Variants in COL4A1 observed in about 807,000 individuals in gnomAD.
COL4A1 encodes the protein collagen type IV alpha 1 chain.
Under a neutral mutation model 216.6 loss-of-function variants are expected in COL4A1, and 40 were observed. That is an observed-to-expected ratio of 0.18 (90% confidence interval 0.14 to 0.24). The LOEUF (loss-of-function observed/expected upper bound fraction) is 0.24, where lower values mean the gene tolerates loss of function less well. Ranked by LOEUF, COL4A1 falls within the 10% of genes least tolerant of loss-of-function variation. The pLI, the probability that COL4A1 is intolerant of heterozygous loss-of-function variation, is 1.00. For missense variants in COL4A1, 1,628 were observed against 2,196.8 expected, an observed-to-expected ratio of 0.74 and a Z score of 5.18; for synonymous variants, 839 against 810.7, an observed-to-expected ratio of 1.03 and a Z score of -0.59.
intron 2 of COL4A1, among the ~76,000 whole-genome samples, chr13:110,223,856 A>G (rs553398419): frequency 9.2e-5 from 14 of 152,132 alleles, no homozygotes; most frequent in Non-Finnish European, 2.1e-4. Context: ...GCCTCCGTGT[A>G]GACTTTAGAG....
chr13:110,174,047 C>A (rs1274069449), intron 39 of COL4A1, 49 bp from the exon 40 acceptor site: 1 of 1,596,986 alleles, frequency 6.3e-7, no homozygotes, highest in Non-Finnish European at 8.6e-7. Context: ...CTCACAGCAC[C>A]CTAGCTGCCA....
intron 1 of COL4A1, among the ~76,000 whole-genome samples, chr13:110,289,402 G>A (rs1053624273): frequency 2.5e-4 from 38 of 152,048 alleles, no homozygotes; most frequent in Non-Finnish European, 3.7e-4. Flanking sequence ...CAATCAACTC[G>A]TTCCTGTGAG....
chr13:110,242,609 C>T, intron 2 of COL4A1, 66 bp downstream of exon 2: 3 of 1,519,344 alleles, frequency 2.0e-6, no homozygotes, highest in Non-Finnish European at 2.7e-6. Flanking sequence ...TATTCGGTTA[C>T]TGTTAATGTA....
intron 49 of COL4A1, among the ~76,000 whole-genome samples, chr13:110,158,739 CTTTTTTTTTT>C (rs556230875): frequency 3.8e-5 from 4 of 105,848 alleles, no homozygotes; most frequent in Non-Finnish European, 7.6e-5. Context: ...AAGAAATAAA[CTTTTTTTTTT>C]TTTTTTTTTT....
At chr13:110,241,832 G>C (rs905333655) in intron 2 of COL4A1, among the ~76,000 whole-genome samples, 2 of 152,210 alleles carry the variant, frequency 1.3e-5, no homozygotes, top group Non-Finnish European at 2.9e-5. Flanking sequence ...GCATGCCGGG[G>C]AGGGAAGTAA....
At chr13:110,150,553 C>A (rs1876454628) in intron 51 of COL4A1, 109 bp from the exon 52 acceptor site, 2 of 1,104,428 alleles carry the variant, frequency 1.8e-6, no homozygotes, top group Non-Finnish European at 2.7e-6. Flanking sequence ...CAGCCCCTGG[C>A]ATCAGGCCTC....
rs749230953 is a variant in COL4A1 at position 110,210,065 on chromosome 13, G to T, written c.553-23C>A. ...GCCCTAGAATGCATGAGAAAGAAAT[G>T]AGTTCAGATGCGAACTGGGAGGGTG... is the stretch of plus-strand genomic sequence containing the variant. On this transcript the variant is annotated intron_variant, in intron 9 of 51. Transcript: ENST00000375820. The T allele has an allele frequency of 5.6e-6, 9 of 1,613,958 alleles. No individual in the cohort carries two copies. The South Asian group carries it at 9.9e-5, about 18-fold the overall frequency.
intron 1 of COL4A1, among the ~76,000 whole-genome samples, chr13:110,296,435 A>G (rs1423257871): frequency 6.6e-6 from 1 of 152,250 alleles, no homozygotes; most frequent in African/African-American, 2.4e-5. Context: ...GATACTTCAT[A>G]GTTTTAAGTA....
chr13:110,237,049 G>A (rs180749418), intron 2 of COL4A1, among the ~76,000 whole-genome samples: 6 of 152,238 alleles, frequency 3.9e-5, no homozygotes. Context: ...CAGGGCCCCA[G>A]AGGAGTAGGC....
chr13:110,177,738 T>C (rs909475343), intron 33 of COL4A1, 104 bp downstream of exon 33: 10 of 1,206,116 alleles, frequency 8.3e-6, no homozygotes, highest in Non-Finnish European at 1.2e-5. Flanking sequence ...ACTTCTTTTG[T>C]AGGCGTCTTA....
chr13:110,150,294 G>T lies in COL4A1; in HGVS notation c.*69C>A. ...TGAGGTACACAGGATATATTTCTAG[G>T]GTTCGTTGCTGTTAACAAAAAGAAG... On this transcript the variant is annotated 3_prime_UTR_variant, in exon 52 of 52. Coordinates refer to ENST00000375820, the MANE Select transcript of COL4A1 (RefSeq NM_001845.6). 4 of 1,399,920 alleles carry T rather than the reference G, an allele frequency of 2.9e-6. No individual in the cohort carries two copies. Among genetic ancestry groups the T allele is most frequent in the African/African-American group, 1.4e-5 (1 of 70,640 alleles). 86.7% of individuals were successfully genotyped at this position (1,399,920 alleles called of 1,614,324 possible). A position where few individuals can be genotyped will look rare whatever the true frequency, so the allele number is the denominator to read the frequency against.
intron 1 of COL4A1, among the ~76,000 whole-genome samples, chr13:110,253,354 ATAT>A (rs1882302075): frequency 5.7e-5 from 3 of 52,596 alleles, no homozygotes; most frequent in African/African-American, 8.1e-5. Context: ...ACATATAATT[ATAT>A]GTATTACATA....
intron 1 of COL4A1, 131 bp from the exon 2 acceptor site, chr13:110,242,865 A>C: frequency 1.0e-6 from 1 of 984,020 alleles, no homozygotes; most frequent in Non-Finnish European, 1.6e-6. Context: ...ACACAATCTT[A>C]TCTGCACTGG....
rs1566419067 is a variant in COL4A1, at chr13:110,253,766, ATG to A, written c.85-11034_85-11033del. Among the ~76,000 whole-genome samples the A allele has an allele frequency of 1.4e-4, 18 of 127,770 alleles. 1 individual carries two copies. In the East Asian group the frequency reaches 1.5e-3, roughly 10 times the overall value. 83.8% of individuals were successfully genotyped at this position (127,770 alleles called of 152,430 possible). ...ATTACATATACATATAATTATACGT[ATG>A]TATGTATTATATATACGTATAATTA... On this transcript the variant is annotated intron_variant, in intron 1 of 51. Coordinates refer to ENST00000375820, the MANE Select transcript of COL4A1 (RefSeq NM_001845.6).
chr13:110,299,831 T>C (rs376722370), intron 1 of COL4A1, among the ~76,000 whole-genome samples: 3 of 152,318 alleles, frequency 2.0e-5, no homozygotes, highest in African/African-American at 7.2e-5. Flanking sequence ...ATTAATTCTG[T>C]AACATTAAAA....
chr13:110,156,348 T>C (rs1470474762), intron 49 of COL4A1, among the ~76,000 whole-genome samples: 1 of 152,244 alleles, frequency 6.6e-6, no homozygotes, highest in Non-Finnish European at 1.5e-5. Context: ...TAATCTTTAG[T>C]ATAAGAAATG....
chr13:110,274,190 A>C (rs1277758815), intron 1 of COL4A1, among the ~76,000 whole-genome samples: 2 of 152,176 alleles, frequency 1.3e-5, no homozygotes, highest in African/African-American at 4.8e-5. Flanking sequence ...GGTATGAATA[A>C]TGACAATATC....
At chr13:110,195,415 C>T (rs1442347168) in intron 21 of COL4A1, among the ~76,000 whole-genome samples, 1 of 152,148 alleles carries the variant, frequency 6.6e-6, no homozygotes, top group African/African-American at 2.4e-5. Flanking sequence ...TTTCATCTTG[C>T]GAAGTGCCTA....
intron 47 of COL4A1, among the ~76,000 whole-genome samples, 170 bp downstream of exon 47, chr13:110,163,293 C>A (rs1319286456): frequency 6.6e-6 from 1 of 152,222 alleles, no homozygotes; most frequent in African/African-American, 2.4e-5. Context: ...AAAAAGAACA[C>A]TTCTTCAGCT....
Sources: allele counts gnomAD v4.1 joint callset (sites outside exome capture counted in the v4.1 genomes callset), GRCh38; gene constraint gnomAD v4.1.1; transcripts MANE v1.5; gene names NCBI Gene and HGNC (gene_info 2026-07-23, HGNC 2026-07-21).